The following ASTN2 variants were observed in gnomAD, a reference collection of about 807,000 sequenced individuals.
ASTN2 encodes astrotactin-2.
In ASTN2, 54 loss-of-function variants were observed where a neutral mutation model predicts 139.8. That is an observed-to-expected ratio of 0.39 (90% CI 0.31 to 0.48). ASTN2 has a LOEUF of 0.48. Among genes scored for constraint, ASTN2 ranks in the 20% least tolerant of loss-of-function variants. The pLI is 0.95. For missense variants in ASTN2, 1,565 were observed against 1,725.1 expected (o/e 0.91, Z 1.64); for synonymous variants, 756 against 719.5 (o/e 1.05, Z -0.81).
chr9:116,898,186 C>T (rs1029129836), intron 10 of ASTN2, among the ~76,000 whole-genome samples: 3 of 151,960 alleles, frequency 2.0e-5, no homozygotes, highest in Admixed American at 6.6e-5. Flanking sequence ...GTGGAAGGAT[C>T]GCTTGAGTGC....
intron 10 of ASTN2, among the ~76,000 whole-genome samples, chr9:116,969,852 C>T (rs1836134158): frequency 6.6e-6 from 1 of 152,188 alleles, no homozygotes; most frequent in Non-Finnish European, 1.5e-5. Flanking sequence ...TATATTATTA[C>T]ATAGTTTCTG....
intron 10 of ASTN2, among the ~76,000 whole-genome samples, chr9:116,938,549 A>G (rs1315531259): frequency 6.6e-6 from 1 of 151,026 alleles, no homozygotes; most frequent in Non-Finnish European, 1.5e-5. Flanking sequence ...CCTCAACAAT[A>G]CCCCCCACTC....
intron 11 of ASTN2, among the ~76,000 whole-genome samples, chr9:116,821,075 C>T (rs1025397101): frequency 2.6e-5 from 4 of 152,122 alleles, no homozygotes; most frequent in Non-Finnish European, 5.9e-5. Context: ...ACGGCAACAG[C>T]ACAGCAAATG....
At chr9:117,407,365 T>C (rs1452465821) in intron 1 of ASTN2, among the ~76,000 whole-genome samples, 1 of 152,204 alleles carries the variant, frequency 6.6e-6, no homozygotes, top group Non-Finnish European at 1.5e-5. Flanking sequence ...TGTCTGCAAG[T>C]ACGGAGGATG....
chr9:116,569,154 G>T (rs577595107), intron 19 of ASTN2, among the ~76,000 whole-genome samples: 2 of 152,142 alleles, frequency 1.3e-5, no homozygotes, highest in Non-Finnish European at 2.9e-5. Context: ...GGGAAGCAAC[G>T]AACCAAAGTC....
intron 6 of ASTN2, among the ~76,000 whole-genome samples, chr9:117,009,861 G>C (rs767310456): frequency 6.6e-6 from 1 of 152,172 alleles, no homozygotes; most frequent in Non-Finnish European, 1.5e-5. Context: ...GGTCCAATGA[G>C]CAATGGCCAG....
chr9:116,641,482 G>C (rs1417330816), intron 17 of ASTN2, among the ~76,000 whole-genome samples: 1 of 152,118 alleles, frequency 6.6e-6, no homozygotes, highest in Non-Finnish European at 1.5e-5. Flanking sequence ...ATGTGGACTT[G>C]ATGAGAGGGT....
intron 16 of ASTN2, among the ~76,000 whole-genome samples, chr9:116,707,886 A>G (rs1487146266): frequency 6.6e-6 from 1 of 152,184 alleles, no homozygotes; most frequent in Non-Finnish European, 1.5e-5. Context: ...CATGTTAGGA[A>G]GACAAATAGA....
intron 17 of ASTN2, among the ~76,000 whole-genome samples, chr9:116,630,651 C>G (rs913378603): frequency 8.5e-5 from 13 of 152,050 alleles, no homozygotes; most frequent in Admixed American, 3.3e-4. Flanking sequence ...CTGGGCAATA[C>G]TTTTTTGAAT....
At chr9:117,282,444 A>C (rs547191124) in intron 2 of ASTN2, among the ~76,000 whole-genome samples, 1 of 152,244 alleles carries the variant, frequency 6.6e-6, no homozygotes, top group South Asian at 2.1e-4. Flanking sequence ...GGGCTTTATC[A>C]TTGGCCCACA....
At chr9:116,886,777 T>C (rs2132380807) in intron 10 of ASTN2, among the ~76,000 whole-genome samples, 1 of 152,310 alleles carries the variant, frequency 6.6e-6, no homozygotes, top group African/African-American at 2.4e-5. Flanking sequence ...GGTACTGCTC[T>C]AGGTGCAGCA....
intron 22 of ASTN2, among the ~76,000 whole-genome samples, chr9:116,429,809 G>C (rs891120887): frequency 5.3e-5 from 8 of 152,222 alleles, no homozygotes; most frequent in Admixed American, 4.6e-4. Flanking sequence ...GGAACACTAC[G>C]TATGCTGTTC....
chr9:116,825,852 G>A (rs1831608993), intron 11 of ASTN2, among the ~76,000 whole-genome samples: 1 of 152,222 alleles, frequency 6.6e-6, no homozygotes, highest in African/African-American at 2.4e-5. Flanking sequence ...TCTGAACCTG[G>A]AGTAGACACA....
intron 3 of ASTN2, among the ~76,000 whole-genome samples, chr9:117,142,212 G>T (rs192152684): frequency 3.3e-4 from 51 of 152,310 alleles, no homozygotes; most frequent in African/African-American, 1.1e-3. Flanking sequence ...ATGGCAAAAG[G>T]TATCACCAAA....
At chr9:117,399,789 G>T (rs548258908) in intron 1 of ASTN2, among the ~76,000 whole-genome samples, 1 of 152,246 alleles carries the variant, frequency 6.6e-6, no homozygotes, top group East Asian at 1.9e-4. Context: ...GGGTTGAATT[G>T]GTTTAGATTA....
intron 13 of ASTN2, among the ~76,000 whole-genome samples, chr9:116,748,014 C>A (rs937298394): frequency 6.6e-6 from 1 of 152,138 alleles, no homozygotes; most frequent in South Asian, 2.1e-4. Context: ...ACACTGAGAA[C>A]AAGCTGAGCT....
chr9:117,076,211 G>A (rs1444356885), intron 5 of ASTN2, among the ~76,000 whole-genome samples: 1 of 152,202 alleles, frequency 6.6e-6, no homozygotes, highest in Non-Finnish European at 1.5e-5. Flanking sequence ...CACCTGGTAA[G>A]CACGCTGGAG....
At chr9:117,192,923 A>G (rs1831386610) in intron 3 of ASTN2, among the ~76,000 whole-genome samples, 1 of 152,228 alleles carries the variant, frequency 6.6e-6, no homozygotes, top group South Asian at 2.1e-4. Context: ...AAGCCATTCT[A>G]TAAATGTTAA....
intron 19 of ASTN2, among the ~76,000 whole-genome samples, chr9:116,536,573 C>G (rs1851638420): frequency 6.6e-6 from 1 of 152,354 alleles, no homozygotes; most frequent in South Asian, 2.1e-4. Flanking sequence ...TTCCTTCTAA[C>G]AGTCAGGACC....
Sources: gnomAD v4.1 joint callset for allele counts (sites outside exome capture counted in the v4.1 genomes callset) on GRCh38, gnomAD v4.1.1 for gene constraint, MANE v1.5 for transcripts, NCBI Gene and HGNC (gene_info 2026-07-23, HGNC 2026-07-21) for gene names.